PHLDB1: variants seen among roughly 807,000 people sequenced by gnomAD.
PHLDB1 encodes pleckstrin homology-like domain family B member 1.
In PHLDB1, 65 loss-of-function variants were observed where a neutral mutation model predicts 139.3. The observed-to-expected ratio is 0.47, with a 90% CI of 0.38 to 0.57. PHLDB1 has a LOEUF of 0.57. PHLDB1 is among the 20% of genes least tolerant of loss of function. PHLDB1 has a pLI of 0.00. For missense variants in PHLDB1, 1,624 were observed against 1,839.7 expected (o/e 0.88, Z 2.14); for synonymous variants, 679 against 734.5 (o/e 0.92, Z 1.22).
In PHLDB1 at chr11:118,642,317, C is replaced by G. The variant is rs1555121918; in HGVS notation, c.2800C>G (p.Leu934Val). The G allele has an allele frequency of 6.2e-7, 1 of 1,612,734 alleles. No homozygotes were observed. The highest frequency in any genetic ancestry group is 8.5e-7 in the Non-Finnish European group (1 of 1,179,878). The change falls in exon 13 of 23, where the codon CTG (leucine) becomes GTG (valine). Residue 934 changes from leucine (L) to valine (V), a missense_variant. Physicochemically the swap from Leu to Val is conservative, Grantham distance 32 (BLOSUM62 1). Coordinates refer to ENST00000600882, the MANE Select transcript of PHLDB1 (RefSeq NM_001144758.3). The part of the protein sequence containing the change: ...EQWYQELMAG[L>V]GTGPAAASPH... ...GTGGTACCAGGAGCTGATGGCCGGG[C>G]TGGGGACTGGCCCCGCTGCAGCCTC...
Position 118,650,157 on chromosome 11 carries a change from T to C in PHLDB1, c.3735T>C (p.Gly1245=), listed in dbSNP as rs1432166432. 2 of 1,613,848 alleles carry C rather than the reference T, an allele frequency of 1.2e-6. No individual in the cohort carries two copies. The highest frequency in any genetic ancestry group is 1.7e-5 in the Admixed American group (1 of 60,000). ...CACATATTGAGTCATCGGGCCATGG[T>C]GTTGATACCTGCCTGCACGTGGTGC... ...LKTHIESSGH[G]VDTCLHVVLS... Residue 1245 remains glycine (G), a synonymous_variant, in exon 19 of 23, where the codon GGT becomes GGC. Coordinates refer to ENST00000600882, the MANE Select transcript of PHLDB1 (RefSeq NM_001144758.3). The surrounding 1 kb of genome is among the most constrained non-coding windows in gnomAD (Gnocchi z 4.7).
At chr11:118,633,109 A>G (rs1945073956) in intron 9 of PHLDB1, 1 of 151,618 alleles carries the variant, frequency 6.6e-6, no homozygotes, top group South Asian at 2.1e-4. Flanking sequence ...CTAATCACTG[A>G]CTTGGGCTTT....
chr11:118,622,376 C>G (rs1485430954), intron 4 of PHLDB1, among the ~76,000 whole-genome samples: 3 of 152,224 alleles, frequency 2.0e-5, no homozygotes, highest in East Asian at 1.9e-4. Flanking sequence ...TTAATTTGGG[C>G]AGGAGCTGGG....
chr11:118,638,763 C>T, intron 10 of PHLDB1, 128 bp from the exon 11 acceptor site: 1 of 692,550 alleles, frequency 1.4e-6, no homozygotes, highest in Middle Eastern at 4.2e-4. Flanking sequence ...TGAGTTGAGG[C>T]CAAGCAGAAG....
At chr11:118,644,671 T>A (rs782064820) in intron 15 of PHLDB1, 4 of 1,289,500 alleles carry the variant, frequency 3.1e-6, no homozygotes, top group Non-Finnish European at 3.0e-6. Flanking sequence ...GCCGAGCCCC[T>A]CCCAACCGAC....
rs1555114621 is a variant in PHLDB1, at chr11:118,635,446, G to A, written c.2433G>A (p.Gln811=). ...AGCTCTTTGAGGACTTGGAGTTCCA[G>A]CAGTTGGAGCGGGAGAGCCGCGTGG... ...ETKLFEDLEF[Q]QLERESRVEE... is the part of the protein sequence containing the mutation. Residue 811 remains glutamine (Q), a synonymous_variant, in exon 10 of 23, where the codon CAG becomes CAA. Transcript: ENST00000600882. 1.4e-5 allele frequency: 22 copies of A among 1,611,774 alleles called. No homozygotes were observed. Among genetic ancestry groups the A allele is most frequent in the Non-Finnish European group, 1.9e-5 (22 of 1,179,256 alleles).
intron 4 of PHLDB1, among the ~76,000 whole-genome samples, chr11:118,621,999 T>A (rs1555095516): frequency 6.6e-6 from 1 of 152,184 alleles, no homozygotes; most frequent in East Asian, 1.9e-4. Flanking sequence ...TGTACGCCCA[T>A]AAGTCTGTTG....
rs962508754 is a variant in PHLDB1 at position 118,609,477 on chromosome 11, C to G, written c.-22+1778C>G. ...CACACAGCCCCAGCCACACACACAG[C>G]CCAGCTCACACACGCAGCCCAGCTC... is the stretch of plus-strand genomic sequence containing the variant. On this transcript the variant is annotated intron_variant, in intron 1 of 22. Transcript: ENST00000600882. Among the ~76,000 whole-genome samples the G allele has an allele frequency of 1.7e-4, 26 of 150,870 alleles. 1 individual carries two copies. The East Asian group carries it at 5.1e-3, about 30-fold the overall frequency.
rs1591469962 is a variant in PHLDB1 at position 118,616,151 on chromosome 11, T to G, written c.295T>G (p.Cys99Gly). 6.2e-7 allele frequency: 1 copy of G among 1,614,128 alleles called. No homozygotes were observed. The highest frequency in any genetic ancestry group is 2.2e-5 in the East Asian group (1 of 44,892). The part of the protein sequence containing the change: ...NLRGTLTLYP[C>G]GNACTIDGLP... ...GCGGGGCACCCTCACCCTCTACCCC[T>G]GTGGCAATGCCTGCACTATTGATGG... The change falls in exon 4 of 23, where the codon TGT becomes GGT. Residue 99 changes from cysteine to glycine, a missense_variant. Coordinates refer to ENST00000600882, the MANE Select transcript of PHLDB1 (RefSeq NM_001144758.3).
chr11:118,637,566 A>C (rs530809313), intron 10 of PHLDB1: 1 of 152,250 alleles, frequency 6.6e-6, no homozygotes, highest in Non-Finnish European at 1.5e-5. Flanking sequence ...GGCTGGTCTC[A>C]AACTCCTAAC....
intron 15 of PHLDB1, 135 bp downstream of exon 15, chr11:118,644,309 G>T: frequency 1.5e-6 from 1 of 661,666 alleles, no homozygotes. Context: ...AAAGGATTTA[G>T]AGTGGGTACC....
At chr11:118,623,071 G>A (rs1259946232) in intron 4 of PHLDB1, among the ~76,000 whole-genome samples, 1 of 152,188 alleles carries the variant, frequency 6.6e-6, no homozygotes, top group African/African-American at 2.4e-5. Context: ...CTCAGTAAGG[G>A]ACCTGCCAAG....
chr11:118,641,994 G>A (rs1478430014), intron 12 of PHLDB1: 2 of 593,046 alleles, frequency 3.4e-6, no homozygotes, highest in Non-Finnish European at 6.0e-6. Context: ...TTTGCCCTTA[G>A]TACATTCAGG....
At position 118,656,332 on chromosome 11, in the gene PHLDB1, G is replaced by A. The variant is rs543944157; in HGVS notation, c.3994-351G>A. On this transcript the variant is annotated intron_variant, in intron 22 of 22. Coordinates refer to ENST00000600882, the MANE Select transcript of PHLDB1 (RefSeq NM_001144758.3). Reference sequence around the variant, plus strand: ...CTACTTGTTGCTTTTTCTGTCTGCCGCTGTTTTGCTGAGAGGAAACTCTGG... The same window carrying A: ...CTACTTGTTGCTTTTTCTGTCTGCCACTGTTTTGCTGAGAGGAAACTCTGG... 2.5e-3 allele frequency among the ~76,000 whole-genome samples: 386 copies of A among 152,194 alleles called. 1 individual carries two copies. The highest frequency in any genetic ancestry group is 4.0e-3 in the Non-Finnish European group (274 of 68,024).
intron 9 of PHLDB1, chr11:118,634,086 G>A (rs1945213397): frequency 6.6e-6 from 1 of 152,326 alleles, no homozygotes; most frequent in African/African-American, 2.4e-5. Flanking sequence ...AGTAACCACA[G>A]TTTCTCCTCT....
At position 118,647,943 on chromosome 11, in the gene PHLDB1, A is replaced by C. The variant is rs1555130899; in HGVS notation, c.3521A>C (p.Glu1174Ala). The change falls in exon 18 of 23, where the codon GAG becomes GCG. Residue 1174 changes from glutamate to alanine, a missense_variant. Coordinates refer to ENST00000600882, the MANE Select transcript of PHLDB1 (RefSeq NM_001144758.3). The stretch of plus-strand genomic sequence containing the variant: ...CTTTGGGGGCAGGAGCGGGAGATGG[A>C]GCTGCGGCGGCAGGCCCTGGAGGAG... ...RLMESREREM[E>A]LRRQALEEER... The C allele has an allele frequency of 6.4e-7, 1 of 1,573,650 alleles. No individual in the cohort carries two copies. The highest frequency in any genetic ancestry group is 1.9e-5 in the Admixed American group (1 of 53,144).
At chr11:118,627,252 CT>C (rs2136126566) in intron 5 of PHLDB1, 52 bp from the exon 6 acceptor site, 2 of 1,585,564 alleles carry the variant, frequency 1.3e-6, no homozygotes, top group East Asian at 2.2e-5. Context: ...AGTGCTCTGG[CT>C]TTTATGCATA....
At position 118,632,929 on chromosome 11, in the gene PHLDB1, C is replaced by A; in HGVS notation, c.2379+633C>A. ...TTTTTCCAATAATTTAATTTTCCTTCTGGATTTTTTGAGTTTCTTCCTCCT... is the reference window on the plus strand; with the variant it reads ...TTTTTCCAATAATTTAATTTTCCTTATGGATTTTTTGAGTTTCTTCCTCCT... On this transcript the variant is annotated intron_variant, in intron 9 of 22. Transcript: ENST00000600882. The surrounding 1 kb of genome is among the most constrained non-coding windows in gnomAD (Gnocchi z 5.9). 1 of 774,092 alleles carries A rather than the reference C, an allele frequency of 1.3e-6. No individual in the cohort carries two copies. The highest frequency in any genetic ancestry group is 1.6e-6 in the Non-Finnish European group (1 of 637,192). The allele number at this position is 774,092 out of a possible 1,614,324, so 48.0% of individuals were successfully genotyped here. A position where few individuals can be genotyped will look rare whatever the true frequency, so the allele number is the denominator to read the frequency against.
Position 118,656,745 on chromosome 11 carries a change from C to T in PHLDB1, c.4056C>T (p.Ala1352=). ...ATGACCGGCTGTACTACATGGTGGC[C>T]CCATCTGCAGAGGCCATGCGTATCT... The part of the protein sequence containing the change: ...KTHDRLYYMV[A]PSAEAMRIWM... The change falls in exon 23 of 23, where the codon GCC becomes GCT. Residue 1352 remains alanine, a synonymous_variant. Coordinates refer to ENST00000600882, the MANE Select transcript of PHLDB1 (RefSeq NM_001144758.3). The T allele has an allele frequency of 1.2e-6, 2 of 1,613,952 alleles. No individual in the cohort carries two copies.
Sources: gnomAD v4.1 joint callset for allele counts (sites outside exome capture counted in the v4.1 genomes callset) on GRCh38, gnomAD v4.1.1 for gene constraint, Gnocchi (gnomAD v3.1) non-coding constraint, MANE v1.5 for transcripts, NCBI Gene and HGNC (gene_info 2026-07-23, HGNC 2026-07-21) for gene names.